CFAP43: variants seen among roughly 807,000 people sequenced by gnomAD.
CFAP43 encodes the protein cilia and flagella associated protein 43.
In CFAP43, 155 loss-of-function variants were observed where a neutral mutation model predicts 218.9. That is an observed-to-expected ratio of 0.71 (90% CI 0.62 to 0.81). CFAP43 has a LOEUF of 0.81. Among genes scored for constraint, CFAP43 ranks in the 30% least tolerant of loss-of-function variants. The pLI is 0.00. For synonymous variants in CFAP43, 645 were observed against 681.3 expected, an observed-to-expected ratio of 0.95 and a Z score of 0.83; for missense variants, 1,778 against 1,954.3, an observed-to-expected ratio of 0.91 and a Z score of 1.70.
rs1165892970 is a variant in CFAP43 at position 104,230,795 on chromosome 10, G to A, written c.114C>T (p.Asn38=). The A allele has an allele frequency of 6.2e-7, 1 of 1,613,658 alleles. No individual in the cohort carries two copies. The highest frequency in any genetic ancestry group is 2.2e-5 in the East Asian group (1 of 44,874). The change falls in exon 2 of 38, where the codon AAC becomes AAT. Residue 38 remains asparagine (N), a synonymous_variant. Coordinates refer to ENST00000357060, the MANE Select transcript of CFAP43 (RefSeq NM_025145.7). ...PKQNVHFVND[N]TICYPCGNYV... ...AATTCCCACAAGGGTAGCAAATGGT[G>A]TTGTCGTTGACAAAATGAACATTCT... is the stretch of plus-strand genomic sequence containing the variant.
Position 104,214,337 on chromosome 10 carries a change from T to TGGC in CFAP43, c.503_505dup (p.Arg168dup), listed in dbSNP as rs2090955270. The stretch of plus-strand genomic sequence containing the variant: ...TGTACTTGGACTTGATAAGCACAGC[T>TGGC]GGCGCCAGTTCATGGGGTTAAAAGA... On this transcript the variant is annotated inframe_insertion, in exon 4 of 38. Transcript: ENST00000357060. 6.2e-7 allele frequency: 1 copy of TGGC among 1,612,122 alleles called. No homozygotes were observed. Among genetic ancestry groups the TGGC allele is most frequent in the African/African-American group, 1.3e-5 (1 of 74,896 alleles).
At chr10:104,210,783 CTTTTTTTTTTTTTT>C (rs68153454) in intron 5 of CFAP43, among the ~76,000 whole-genome samples, 2 of 75,460 alleles carry the variant, frequency 2.7e-5, no homozygotes, top group Admixed American at 2.0e-4. Flanking sequence ...GTGAAACACT[CTTTTTTTTTTTTTT>C]TTTTTTTTTT....
intron 3 of CFAP43, among the ~76,000 whole-genome samples, chr10:104,216,455 T>C (rs933924070): frequency 1.3e-5 from 2 of 152,172 alleles, no homozygotes; most frequent in African/African-American, 4.8e-5. Flanking sequence ...ACTAACTTCA[T>C]GTAGGCACAC....
Position 104,230,575 on chromosome 10 carries a change from G to T in CFAP43, c.319+15C>A. The stretch of plus-strand genomic sequence containing the variant: ...ATCCTTCAATTATGGGCAGAGGAAG[G>T]GTTCTCTAGAATACCTTTCAATTTG... On this transcript the variant is annotated intron_variant, in intron 2 of 37. Coordinates refer to ENST00000357060, the MANE Select transcript of CFAP43 (RefSeq NM_025145.7). 1 of 1,607,660 alleles carries T rather than the reference G, an allele frequency of 6.2e-7. No homozygotes were observed.
At chr10:104,133,451 G>T in intron 35 of CFAP43, 169 bp downstream of exon 35, 1 of 642,690 alleles carries the variant, frequency 1.6e-6, no homozygotes, top group Non-Finnish European at 2.4e-6. Flanking sequence ...AGAACTGGAG[G>T]CTGCAAATGT....
In CFAP43 at chr10:104,131,331, C is replaced by G; in HGVS notation, c.4831G>C (p.Gly1611Arg). The G allele has an allele frequency of 6.2e-7, 1 of 1,607,366 alleles. No individual in the cohort carries two copies. Among genetic ancestry groups the G allele is most frequent in the Non-Finnish European group, 8.5e-7 (1 of 1,178,558 alleles). ...SERKDICNAMGSKLTCEKIVK... is the reference protein window; with the variant it reads ...SERKDICNAMRSKLTCEKIVK... ...GTTAAAGAAAAAAAAGCATGCTTAC[C>G]CATTGCATTACAGATGTCTTTTCTC... The change falls in exon 37 of 38, where the codon GGG becomes CGG. Residue 1611 changes from glycine (G) to arginine (R), a missense_variant and splice_region_variant. Gly to Arg is a moderately radical substitution (Grantham distance 125). Transcript: ENST00000357060.
rs565478115 is a variant in CFAP43 at position 104,207,927 on chromosome 10, C to T, written c.736-103G>A. On this transcript the variant is annotated intron_variant, in intron 5 of 37. Transcript: ENST00000357060. The stretch of plus-strand genomic sequence containing the variant: ...GACAAAAAGGAACCATACTTAACCC[C>T]ATAGACGCAGAAAACATAGGAACAT... The T allele has an allele frequency of 4.5e-5, 52 of 1,154,302 alleles. 1 individual carries two copies. The African/African-American group carries it at 7.2e-4, about 16-fold the overall frequency. 71.5% of individuals were successfully genotyped at this position (1,154,302 alleles called of 1,614,324 possible).
intron 35 of CFAP43, 61 bp from the exon 36 acceptor site, chr10:104,132,257 A>T: frequency 2.5e-6 from 3 of 1,223,374 alleles, no homozygotes; most frequent in Non-Finnish European, 3.5e-6. Context: ...ATGACTTTAT[A>T]AAGGTTGTTT....
chr10:104,188,431 ACAC>A (rs1389244038), intron 12 of CFAP43, 21 bp from the exon 13 acceptor site: 3 of 1,610,388 alleles, frequency 1.9e-6, no homozygotes, highest in Non-Finnish European at 2.5e-6. Context: ...ACAGAGATCA[ACAC>A]CACAAGTGGT....
Position 104,186,056 on chromosome 10 carries a change from A to C in CFAP43, c.1928T>G (p.Leu643Arg). The part of the protein sequence containing the change: ...KVQSRQYGPG[L>R]LYLSSHGLWL... ...CAATCCATGTGAAGACAGATAGAGC[A>C]GTCCAGGTCCATACTGTCTGCTTTG... Residue 643 changes from leucine (L) to arginine (R), a missense_variant, in exon 15 of 38, where the codon CTG becomes CGG. Physicochemically the swap from Leu to Arg is moderately radical, Grantham distance 102 (BLOSUM62 -2). This residue lies in a region of CFAP43 where 1,553 missense variants were observed against 1,685.2 expected (regional missense o/e 0.92). Coordinates refer to ENST00000357060, the MANE Select transcript of CFAP43 (RefSeq NM_025145.7). 2 of 1,606,388 alleles carry C rather than the reference A, an allele frequency of 1.2e-6. No individual in the cohort carries two copies. Among genetic ancestry groups the C allele is most frequent in the Non-Finnish European group, 1.7e-6 (2 of 1,177,880 alleles).
intron 31 of CFAP43, 49 bp downstream of exon 31, chr10:104,145,427 T>C (rs1201720868): frequency 7.3e-7 from 1 of 1,364,104 alleles, no homozygotes; most frequent in South Asian, 1.3e-5. Flanking sequence ...CACTCCTCTT[T>C]ATTTGCAAAC....
intron 19 of CFAP43, among the ~76,000 whole-genome samples, chr10:104,176,543 G>A (rs2089636908): frequency 6.6e-6 from 1 of 152,176 alleles, no homozygotes; most frequent in Non-Finnish European, 1.5e-5. Flanking sequence ...AGTAGGATGA[G>A]CCATATACTT....
chr10:104,134,345 C>A (rs1038001450), intron 34 of CFAP43, among the ~76,000 whole-genome samples: 1 of 152,084 alleles, frequency 6.6e-6, no homozygotes, highest in Admixed American at 6.6e-5. Flanking sequence ...CTGCAGTGAG[C>A]CGTGTTCATG....
rs776193577 is a variant in CFAP43, at chr10:104,227,835, C to CTTTTTTTTTTTTTTTTTTTTTTTT, written c.320-2302_320-2279dup. The stretch of plus-strand genomic sequence containing the variant: ...CTCCTCTATTCTACCATGTTTTCTA[C>CTTTTTTTTTTTTTTTTTTTTTTTT]TTTTTTTTTTTTTTTTTTTTTTTTT... On this transcript the variant is annotated intron_variant, in intron 2 of 37. Transcript: ENST00000357060. Among the ~76,000 whole-genome samples, 2 of 58,356 alleles carry CTTTTTTTTTTTTTTTTTTTTTTTT rather than the reference C, an allele frequency of 3.4e-5. 1 individual carries two copies. Among genetic ancestry groups the CTTTTTTTTTTTTTTTTTTTTTTTT allele is most frequent in the African/African-American group, 1.6e-4 (2 of 12,148 alleles). The allele number at this position is 58,356 out of a possible 152,430, so 38.3% of individuals were successfully genotyped here.
chr10:104,154,734 T>A (rs1374877663), intron 27 of CFAP43, among the ~76,000 whole-genome samples: 1 of 152,242 alleles, frequency 6.6e-6, no homozygotes, highest in African/African-American at 2.4e-5. Flanking sequence ...TAGTGTAAAA[T>A]GGCCCTTTGC....
At chr10:104,154,297 G>C (rs1338100722) in intron 27 of CFAP43, among the ~76,000 whole-genome samples, 4 of 152,106 alleles carry the variant, frequency 2.6e-5, no homozygotes, top group Non-Finnish European at 5.9e-5. Context: ...GAAAAGCCAA[G>C]TTCTCTCTAT....
Position 104,150,122 on chromosome 10 carries a change from T to C in CFAP43, c.3661-2124A>G, listed in dbSNP as rs115344483. 6.4e-3 allele frequency among the ~76,000 whole-genome samples: 968 copies of C among 152,328 alleles called. 11 individuals are homozygous for C. The highest frequency in any genetic ancestry group is 0.023 in the African/African-American group (949 of 41,574). On this transcript the variant is annotated intron_variant, in intron 28 of 37. Transcript: ENST00000357060. ...CATGTTGTACCATATATTAGCACATTCCTTTTTATTGTGGGATAATACTCC... is the reference window on the plus strand; with the variant it reads ...CATGTTGTACCATATATTAGCACATCCCTTTTTATTGTGGGATAATACTCC...
intron 7 of CFAP43, among the ~76,000 whole-genome samples, chr10:104,205,429 T>C (rs1442243795): frequency 1.3e-5 from 2 of 152,240 alleles, no homozygotes; most frequent in African/African-American, 4.8e-5. Flanking sequence ...TAGTTTCTAT[T>C]TGATAAGGTT....
chr10:104,172,328 A>G, intron 20 of CFAP43, 82 bp downstream of exon 20: 1 of 1,521,114 alleles, frequency 6.6e-7, no homozygotes. Context: ...TATTCACATT[A>G]TTATGAAAAA....
Sources: allele counts gnomAD v4.1 joint callset (sites outside exome capture counted in the v4.1 genomes callset), GRCh38; gene constraint gnomAD v4.1.1; regional missense constraint gnomAD v4.1.1; transcripts MANE v1.5; gene names NCBI Gene and HGNC (gene_info 2026-07-23, HGNC 2026-07-21).